Variants in CDH12 observed in about 807,000 individuals in gnomAD.
CDH12 encodes cadherin-12.
CDH12 carries 41 observed loss-of-function variants against 74.1 expected under a neutral mutation model. The observed-to-expected ratio is 0.55, with a 90% CI of 0.43 to 0.72. The LOEUF is 0.72. Ranked by LOEUF, CDH12 falls within the 30% of genes least tolerant of loss-of-function variation. CDH12 has a pLI of 0.00. For missense variants in CDH12, 945 were observed against 977.2 expected (o/e 0.97, Z 0.44); for synonymous variants, 399 against 355.0 (o/e 1.12, Z -1.39).
At chr5:22,806,526 T>C (rs1211879894) in intron 1 of CDH12, among the ~76,000 whole-genome samples, 4 of 151,950 alleles carry the variant, frequency 2.6e-5, no homozygotes, top group Non-Finnish European at 4.4e-5. Context: ...CTAATGTTTT[T>C]TGTATTTTTA....
At chr5:22,225,886 C>A (rs1752176991) in intron 3 of CDH12, among the ~76,000 whole-genome samples, 1 of 149,278 alleles carries the variant, frequency 6.7e-6, no homozygotes, top group Non-Finnish European at 1.5e-5. Flanking sequence ...ACATTAAATG[C>A]ACAGTGGTTG....
intron 1 of CDH12, among the ~76,000 whole-genome samples, chr5:22,630,050 G>T (rs1738502661): frequency 6.6e-6 from 1 of 152,016 alleles, no homozygotes; most frequent in Non-Finnish European, 1.5e-5. Flanking sequence ...CAGCTAAGCA[G>T]GAAGGTGAAA....
chr5:22,627,636 T>A (rs1226711776), intron 1 of CDH12, among the ~76,000 whole-genome samples: 1 of 152,100 alleles, frequency 6.6e-6, no homozygotes, highest in Non-Finnish European at 1.5e-5. Flanking sequence ...AAAAACACAC[T>A]TAAGTACGTA....
At chr5:22,821,614 C>T (rs202233100) in intron 1 of CDH12, among the ~76,000 whole-genome samples, 1 of 151,082 alleles carries the variant, frequency 6.6e-6, no homozygotes, top group Non-Finnish European at 1.5e-5. Flanking sequence ...CAAATCATGA[C>T]TGAACTCCCA....
intron 1 of CDH12, among the ~76,000 whole-genome samples, chr5:22,742,427 A>C (rs1745075733): frequency 6.6e-6 from 1 of 152,096 alleles, no homozygotes; most frequent in South Asian, 2.1e-4. Context: ...GCTTGCTCTA[A>C]AAAGAAAGCT....
At chr5:22,101,291 A>T (rs538290266) in intron 4 of CDH12, among the ~76,000 whole-genome samples, 1 of 152,206 alleles carries the variant, frequency 6.6e-6, no homozygotes, top group East Asian at 1.9e-4. Context: ...TGAACATTTT[A>T]TTCCCATATT....
At chr5:22,528,522 ACCTGTGGCTACTTTAT>A (rs1737390595) in intron 1 of CDH12, among the ~76,000 whole-genome samples, 1 of 151,988 alleles carries the variant, frequency 6.6e-6, no homozygotes, top group Non-Finnish European at 1.5e-5. Context: ...GCAATTTCAG[ACCTGTGGCTACTTTAT>A]CCTGTGGCTA....
intron 3 of CDH12, among the ~76,000 whole-genome samples, chr5:22,273,099 G>A (rs371779014): frequency 6.6e-6 from 1 of 152,142 alleles, no homozygotes; most frequent in South Asian, 2.1e-4. Context: ...CCCCCAACAT[G>A]TGGGGATTAC....
intron 5 of CDH12, among the ~76,000 whole-genome samples, chr5:22,067,668 A>G (rs192007512): frequency 9.2e-4 from 140 of 152,266 alleles, no homozygotes; most frequent in African/African-American, 3.2e-3. Context: ...GTCTCATTTG[A>G]TGAATTACAG....
intron 4 of CDH12, among the ~76,000 whole-genome samples, chr5:22,114,140 C>T (rs930025317): frequency 1.3e-5 from 2 of 152,074 alleles, no homozygotes; most frequent in Middle Eastern, 3.2e-3. Flanking sequence ...TGTTACGCTG[C>T]CTTACTATAC....
intron 1 of CDH12, among the ~76,000 whole-genome samples, chr5:22,683,544 A>G (rs1470169728): frequency 6.6e-6 from 1 of 152,214 alleles, no homozygotes; most frequent in Non-Finnish European, 1.5e-5. Context: ...CTGCAGTGTC[A>G]TCAAACCCAT....
At chr5:21,816,184 C>T (rs1663250912) in intron 9 of CDH12, among the ~76,000 whole-genome samples, 1 of 152,146 alleles carries the variant, frequency 6.6e-6, no homozygotes. Context: ...CCTCTTCCTC[C>T]TTCTCCTCAG....
chr5:22,256,251 T>C (rs879809534), intron 3 of CDH12, among the ~76,000 whole-genome samples: 2 of 152,112 alleles, frequency 1.3e-5, no homozygotes, highest in Non-Finnish European at 2.9e-5. Flanking sequence ...ATGTGCCACA[T>C]AACAGTGTTC....
chr5:22,158,472 C>T (rs1296360343), intron 4 of CDH12, among the ~76,000 whole-genome samples: 1 of 151,916 alleles, frequency 6.6e-6, no homozygotes, highest in Non-Finnish European at 1.5e-5. Flanking sequence ...CAACACAGTT[C>T]CATTTTATCA....
At chr5:21,783,773 G>A (rs930621030) in intron 10 of CDH12, among the ~76,000 whole-genome samples, 4 of 152,224 alleles carry the variant, frequency 2.6e-5, no homozygotes, top group East Asian at 1.9e-4. Context: ...CTGACCATGA[G>A]TTTCCTTAAC....
At chr5:21,855,858 G>C (rs2150002152) in intron 6 of CDH12, among the ~76,000 whole-genome samples, 1 of 151,750 alleles carries the variant, frequency 6.6e-6, no homozygotes, top group Non-Finnish European at 1.5e-5. Flanking sequence ...GAAGCTAAAA[G>C]AATGAATTAC....
At chr5:22,674,760 A>G (rs1302335400) in intron 1 of CDH12, among the ~76,000 whole-genome samples, 1 of 152,142 alleles carries the variant, frequency 6.6e-6, no homozygotes, top group Non-Finnish European at 1.5e-5. Flanking sequence ...TGGGAACTGG[A>G]GCAAAGGTGA....
intron 14 of CDH12, among the ~76,000 whole-genome samples, chr5:21,754,670 T>G (rs1744285205): frequency 6.6e-6 from 1 of 152,176 alleles, no homozygotes; most frequent in South Asian, 2.1e-4. Flanking sequence ...AATTATTTTT[T>G]TTTCTTTCCT....
At chr5:22,294,111 A>G (rs750692316) in intron 3 of CDH12, among the ~76,000 whole-genome samples, 1 of 152,162 alleles carries the variant, frequency 6.6e-6, no homozygotes, top group Non-Finnish European at 1.5e-5. Context: ...TCAGTTTAGA[A>G]AAACAGAAAA....
Sources: allele counts gnomAD v4.1 joint callset (sites outside exome capture counted in the v4.1 genomes callset), GRCh38; gene constraint gnomAD v4.1.1; transcripts MANE v1.5; gene names NCBI Gene and HGNC (gene_info 2026-07-23, HGNC 2026-07-21).